Variants in C10orf143 observed in about 807,000 individuals in gnomAD.
C10orf143 encodes uncharacterized protein C10orf143.
In C10orf143 at chr10:130,075,082, C is replaced by T. The variant is rs900717858; in HGVS notation, c.297+4484G>A. On this transcript the variant is annotated intron_variant, in intron 3 of 3. Transcript: ENST00000637128. ...TTAAGACTGCTCCTTTGCTATTTGC[C>T]CTCAATGAAAAAAAAAAGAAAAAAA... 4.6e-5 allele frequency among the ~76,000 whole-genome samples: 7 copies of T among 151,646 alleles called. No homozygotes were observed. In the South Asian group the frequency reaches 1.2e-3, roughly 27 times the overall value.
intron 3 of C10orf143, chr10:130,066,151 G>A (rs1225031499): frequency 6.6e-6 from 1 of 151,290 alleles, no homozygotes; most frequent in Non-Finnish European, 1.5e-5. Context: ...TGGGGACAAA[G>A]AGCCACATCA....
Position 130,108,444 on chromosome 10 carries a change from AAG to A in C10orf143, c.69+2258_69+2259del, listed in dbSNP as rs1344783535. 5 of 806,916 alleles carry A rather than the reference AAG, an allele frequency of 6.2e-6. No individual in the cohort carries two copies. In the Admixed American group the frequency reaches 8.6e-5, roughly 14 times the overall value. 50.0% of individuals were successfully genotyped at this position (806,916 alleles called of 1,614,324 possible). The stretch of plus-strand genomic sequence containing the variant: ...GCTACGGAACATCCAAAACCGCAGC[AAG>A]ATACCTGGCAATATTTTTGCTCTCT... On this transcript the variant is annotated intron_variant, in intron 1 of 3. Coordinates refer to ENST00000637128, the MANE Select transcript of C10orf143 (RefSeq NM_001355042.2).
chr10:130,078,884 G>A (rs1432488484), intron 3 of C10orf143, among the ~76,000 whole-genome samples: 3 of 152,030 alleles, frequency 2.0e-5, no homozygotes, highest in Non-Finnish European at 2.9e-5. Context: ...TGGTTTCTAG[G>A]TGGAATTTAA....
At position 130,091,357 on chromosome 10, in the gene C10orf143, C is replaced by G. The variant is rs187867234; in HGVS notation, c.70-11456G>C. Among the ~76,000 whole-genome samples the G allele has an allele frequency of 2.6e-5, 4 of 152,306 alleles. No homozygotes were observed. In the East Asian group the frequency reaches 7.7e-4, roughly 29 times the overall value. Reference sequence around the variant, plus strand: ...GACTCTTAGAAGGAAAACTAACAAACAGAAAGCATCAACATCAACAAAAAG... The same window carrying G: ...GACTCTTAGAAGGAAAACTAACAAAGAGAAAGCATCAACATCAACAAAAAG... On this transcript the variant is annotated intron_variant, in intron 1 of 3. Transcript: ENST00000637128.
intron 1 of C10orf143, among the ~76,000 whole-genome samples, chr10:130,099,103 A>G (rs944178495): frequency 8.5e-5 from 13 of 152,066 alleles, no homozygotes; most frequent in East Asian, 1.9e-4. Flanking sequence ...AAAAAAAGAA[A>G]AAAGAAATGA....
intron 1 of C10orf143, among the ~76,000 whole-genome samples, chr10:130,090,768 G>A (rs942573900): frequency 1.3e-5 from 2 of 152,098 alleles, no homozygotes; most frequent in South Asian, 4.1e-4. Flanking sequence ...TTGAGTAGGC[G>A]GTTTTCCCCT....
chr10:130,080,957 G>A, intron 1 of C10orf143, among the ~76,000 whole-genome samples: 1 of 152,072 alleles, frequency 6.6e-6, no homozygotes, highest in East Asian at 1.9e-4. Flanking sequence ...TGAAAAAACT[G>A]AGAATCAGAC....
chr10:130,061,310 CT>C (rs984749129), downstream of C10orf143, among the ~76,000 whole-genome samples: 3 of 151,924 alleles, frequency 2.0e-5, no homozygotes, highest in Non-Finnish European at 4.4e-5. Context: ...AAATTTTTTT[CT>C]TTAATAAGTA....
intron 3 of C10orf143, among the ~76,000 whole-genome samples, chr10:130,042,220 C>T (rs1860615488): frequency 6.6e-6 from 1 of 152,212 alleles, no homozygotes; most frequent in Non-Finnish European, 1.5e-5. Flanking sequence ...TAGGCTAAAT[C>T]AGAAAATGTG....
intron 1 of C10orf143, among the ~76,000 whole-genome samples, chr10:130,084,703 T>C (rs1861263719): frequency 6.6e-6 from 1 of 152,102 alleles, no homozygotes. Context: ...CTGTGTCCAC[T>C]AAGGACAGTG....
rs187966783 is a variant in C10orf143 at position 130,070,809 on chromosome 10, T to C, written c.298-6426A>G. Among the ~76,000 whole-genome samples the C allele has an allele frequency of 6.6e-5, 10 of 152,360 alleles. No homozygotes were observed. The East Asian group carries it at 1.9e-3, about 29-fold the overall frequency. On this transcript the variant is annotated intron_variant, in intron 3 of 3. Coordinates refer to ENST00000637128, the MANE Select transcript of C10orf143 (RefSeq NM_001355042.2). ...GATTTGATCCATTTTCACTGCTCTC[T>C]GTAACACTTCATTGAGTAAATCTAT...
intron 3 of C10orf143, among the ~76,000 whole-genome samples, chr10:130,039,171 A>C (rs1445187298): frequency 6.6e-6 from 1 of 152,208 alleles, no homozygotes; most frequent in African/African-American, 2.4e-5. Flanking sequence ...TACTCTGTCC[A>C]TCTGTGTATT....
At chr10:130,036,623 T>C (rs970938857) in intron 3 of C10orf143, among the ~76,000 whole-genome samples, 18 of 152,184 alleles carry the variant, frequency 1.2e-4, no homozygotes, top group Admixed American at 5.2e-4. Context: ...GTAAGCGTCC[T>C]GCGTTTCAAT....
At chr10:130,106,629 A>G (rs755755694) in intron 1 of C10orf143, 12 of 1,313,560 alleles carry the variant, frequency 9.1e-6, no homozygotes, top group African/African-American at 1.4e-5. Context: ...ATGATCTTCA[A>G]GAGATTTAAA....
At position 130,065,229 on chromosome 10, in the gene C10orf143, G is replaced by C. The variant is rs1029242473; in HGVS notation, c.298-846C>G. On this transcript the variant is annotated intron_variant, in intron 3 of 3. Coordinates refer to ENST00000637128, the MANE Select transcript of C10orf143 (RefSeq NM_001355042.2). This position sits in a 1 kb window ranked among gnomAD's most constrained non-coding sequence, Gnocchi z 4.2. ...ACAGGAGAGACTCTGAACTTGCCTGGAGGGATTATCAGACAGCAGAGTACT... is the reference window on the plus strand; with the variant it reads ...ACAGGAGAGACTCTGAACTTGCCTGCAGGGATTATCAGACAGCAGAGTACT... 2 of 152,316 alleles carry C rather than the reference G, an allele frequency of 1.3e-5. No homozygotes were observed. Among genetic ancestry groups the C allele is most frequent in the Non-Finnish European group, 2.9e-5 (2 of 68,118 alleles). 9.4% of individuals were successfully genotyped at this position (152,316 alleles called of 1,614,324 possible).
chr10:130,103,635 C>T (rs965698881), intron 1 of C10orf143, among the ~76,000 whole-genome samples: 1 of 151,322 alleles, frequency 6.6e-6, no homozygotes, highest in African/African-American at 2.4e-5. Flanking sequence ...GGCAAGATCC[C>T]GTCTCTACAA....
At chr10:130,084,798 G>C (rs1861265615) in intron 1 of C10orf143, among the ~76,000 whole-genome samples, 1 of 152,106 alleles carries the variant, frequency 6.6e-6, no homozygotes, top group Non-Finnish European at 1.5e-5. Context: ...GGACTCCATG[G>C]GAAGCAGCTG....
chr10:130,093,314 A>C (rs918894634), intron 1 of C10orf143, among the ~76,000 whole-genome samples: 1 of 152,228 alleles, frequency 6.6e-6, no homozygotes, highest in Admixed American at 6.5e-5. Context: ...CTGAATGACT[A>C]ATAGGTAAAT....
chr10:130,052,952 A>G (rs940506778), intron 3 of C10orf143, among the ~76,000 whole-genome samples: 1 of 152,252 alleles, frequency 6.6e-6, no homozygotes, highest in Non-Finnish European at 1.5e-5. Flanking sequence ...CAGGAATACC[A>G]AGTGGGCAGA....
Sources: gnomAD v4.1 joint callset for allele counts (sites outside exome capture counted in the v4.1 genomes callset) on GRCh38, gnomAD v4.1.1 for gene constraint, Gnocchi (gnomAD v3.1) non-coding constraint, MANE v1.5 for transcripts, NCBI Gene and HGNC (gene_info 2026-07-23, HGNC 2026-07-21) for gene names.